DCP1A: variants seen among roughly 807,000 people sequenced by gnomAD.
The protein encoded by DCP1A is decapping mRNA 1A, also known as mRNA-decapping enzyme 1A.
In DCP1A, 20 loss-of-function variants were observed where a neutral mutation model predicts 58.0. The observed-to-expected ratio is 0.34, with a 90% confidence interval of 0.24 to 0.50. The LOEUF is 0.50. DCP1A is among the 20% of genes least tolerant of loss of function. The probability of loss-of-function intolerance (pLI) is 0.98; values close to 1 mark genes in which losing one functional copy is unlikely to be tolerated. For synonymous variants in DCP1A, 285 were observed against 275.1 expected (o/e 1.04, Z -0.36); for missense variants, 613 against 712.2 (o/e 0.86, Z 1.59).
chr3:53,328,283 C>T (rs6445576), intron 3 of DCP1A, among the ~76,000 whole-genome samples: 111,187 of 152,126 alleles, frequency 0.73, 41,022 homozygotes, highest in Middle Eastern at 0.77. Context: ...CTTAGACTAG[C>T]GGTTACTCTG....
rs75945008 is a variant in DCP1A, at chr3:53,340,893, G to C, written c.304+1251C>G. Among the ~76,000 whole-genome samples, 346 of 152,252 alleles carry C rather than the reference G, an allele frequency of 2.3e-3. 2 individuals are homozygous for C. Among genetic ancestry groups the C allele is most frequent in the African/African-American group, 7.3e-3 (304 of 41,556 alleles). Reference sequence around the variant, plus strand: ...AAGAACCCTGGACTAAAAAGCAGAAGAATAGTCATAATCCTAACTCTCCAA... The same window carrying C: ...AAGAACCCTGGACTAAAAAGCAGAACAATAGTCATAATCCTAACTCTCCAA... On this transcript the variant is annotated intron_variant, in intron 3 of 9. Coordinates refer to ENST00000610213, the MANE Select transcript of DCP1A (RefSeq NM_018403.7).
At chr3:53,322,932 C>T (rs1708011260) in intron 3 of DCP1A, among the ~76,000 whole-genome samples, 3 of 152,040 alleles carry the variant, frequency 2.0e-5, no homozygotes, top group South Asian at 4.1e-4. Context: ...CTCAGCCGCC[C>T]GAGTAGCTGG....
intron 3 of DCP1A, among the ~76,000 whole-genome samples, chr3:53,337,450 G>T (rs1052903285): frequency 5.3e-5 from 8 of 152,152 alleles, no homozygotes; most frequent in Non-Finnish European, 1.0e-4. Context: ...ATGATATTTT[G>T]TATTTGTAAA....
At chr3:53,287,879 C>G (rs1049185336) in intron 9 of DCP1A, among the ~76,000 whole-genome samples, 186 bp downstream of exon 9, 5 of 151,744 alleles carry the variant, frequency 3.3e-5, no homozygotes, top group Admixed American at 3.3e-4. Context: ...CCCAGCTAGT[C>G]TGTTTTTGTT....
chr3:53,324,389 A>G (rs782411548), intron 3 of DCP1A, among the ~76,000 whole-genome samples: 4 of 152,250 alleles, frequency 2.6e-5, no homozygotes, highest in Non-Finnish European at 5.9e-5. Flanking sequence ...GTCACTCATG[A>G]GGAAAGACAG....
At chr3:53,314,676 T>C (rs1290930916) in intron 4 of DCP1A, among the ~76,000 whole-genome samples, 2 of 142,770 alleles carry the variant, frequency 1.4e-5, no homozygotes, top group Non-Finnish European at 3.1e-5. Context: ...TCTTTTTTTT[T>C]TTTTTTTTTT....
intron 3 of DCP1A, among the ~76,000 whole-genome samples, chr3:53,336,539 T>C (rs1300581393): frequency 6.6e-6 from 1 of 152,232 alleles, no homozygotes; most frequent in African/African-American, 2.4e-5. Context: ...TGCTGTTTGT[T>C]ATATGCTACC....
At chr3:53,303,571 T>C (rs184766902) in intron 6 of DCP1A, among the ~76,000 whole-genome samples, 22 of 152,212 alleles carry the variant, frequency 1.4e-4, no homozygotes, top group Admixed American at 3.9e-4. Flanking sequence ...TAGCCAAGGG[T>C]TATTTTAAAT....
At chr3:53,343,741 A>C (rs782559718) in intron 2 of DCP1A, among the ~76,000 whole-genome samples, 1 of 152,162 alleles carries the variant, frequency 6.6e-6, no homozygotes, top group Non-Finnish European at 1.5e-5. Flanking sequence ...CCTCTCAAGT[A>C]GCTGGGACTA....
In DCP1A at chr3:53,342,383, CAAT is replaced by C. The variant is rs2089221417; in HGVS notation, c.177-115_177-113del. 8.6e-6 allele frequency: 7 copies of C among 814,970 alleles called. No individual in the cohort carries two copies. In the South Asian group the frequency reaches 1.3e-4, roughly 15 times the overall value. 50.5% of individuals were successfully genotyped at this position (814,970 alleles called of 1,614,324 possible). ...AAAAAGAATGCATTAGAACATTATA[CAAT>C]ATTATCAGCACTTACATCTGTAAAC... On this transcript the variant is annotated intron_variant, in intron 2 of 9. Transcript: ENST00000610213.
In DCP1A at chr3:53,287,292, T is replaced by C. The variant is rs1386388718; in HGVS notation, c.*288A>G. ...AATCTGACTCCTTATTCCACAGCCTTGCTCCTAGCTGATGAAAACACCCAC... is the reference window on the plus strand; with the variant it reads ...AATCTGACTCCTTATTCCACAGCCTCGCTCCTAGCTGATGAAAACACCCAC... On this transcript the variant is annotated 3_prime_UTR_variant, in exon 10 of 10. Transcript: ENST00000610213. The C allele has an allele frequency of 3.4e-6, 1 of 298,472 alleles. No individual in the cohort carries two copies. The highest frequency in any genetic ancestry group is 6.2e-6 in the Non-Finnish European group (1 of 161,840). 18.5% of individuals were successfully genotyped at this position (298,472 alleles called of 1,614,324 possible).
intron 5 of DCP1A, among the ~76,000 whole-genome samples, chr3:53,307,342 T>C (rs1707506307): frequency 6.6e-6 from 1 of 152,066 alleles, no homozygotes; most frequent in Non-Finnish European, 1.5e-5. Flanking sequence ...AAGCCCCAGA[T>C]TTGTAATTTT....
Position 53,304,193 on chromosome 3 carries a change from G to A in DCP1A, c.608C>T (p.Ser203Phe), listed in dbSNP as rs376112114. The A allele has an allele frequency of 1.2e-6, 2 of 1,613,036 alleles. No homozygotes were observed. The highest frequency in any genetic ancestry group is 2.2e-5 in the East Asian group (1 of 44,886). ...TGTACAAACCTTATCCTGTGACCCGGAGGGCATTTCTTCTAGAGTCTCGGT... is the reference window on the plus strand; with the variant it reads ...TGTACAAACCTTATCCTGTGACCCGAAGGGCATTTCTTCTAGAGTCTCGGT... ...GSTETLEEMP[S>F]GSQDKSAPSG... The change falls in exon 6 of 10, where the codon TCC becomes TTC. Residue 203 changes from serine to phenylalanine, a missense_variant. Ser to Phe is a radical substitution (Grantham distance 155, BLOSUM62 -2). This residue lies in a region of DCP1A where 498 missense variants were observed against 556.7 expected (regional missense o/e 0.89). Coordinates refer to ENST00000610213, the MANE Select transcript of DCP1A (RefSeq NM_018403.7).
At chr3:53,289,923 TTTTA>T (rs1348124359) in intron 8 of DCP1A, among the ~76,000 whole-genome samples, 42 of 152,188 alleles carry the variant, frequency 2.8e-4, no homozygotes, top group African/African-American at 9.7e-4. Flanking sequence ...GCTATTTACC[TTTTA>T]TTTATTTATT....
chr3:53,306,968 G>GCT lies in DCP1A; in HGVS notation c.511-2680_511-2679dup, dbSNP rs1487260974. Reference sequence around the variant, plus strand: ...TTTTTTTTTTTGTGGACTGAGTCCTGCTCTGTCACCCAGGCTGGAGTGCAG... The same window carrying GCT: ...TTTTTTTTTTTGTGGACTGAGTCCTGCTCTCTGTCACCCAGGCTGGAGTGCAG... On this transcript the variant is annotated intron_variant, in intron 5 of 9. Transcript: ENST00000610213. Among the ~76,000 whole-genome samples, 13 of 118,534 alleles carry GCT rather than the reference G, an allele frequency of 1.1e-4. No individual in the cohort carries two copies. The East Asian group carries it at 3.2e-3, about 29-fold the overall frequency. 77.8% of individuals were successfully genotyped at this position (118,534 alleles called of 152,430 possible). A position where few individuals can be genotyped will look rare whatever the true frequency, so the allele number is the denominator to read the frequency against.
rs913320312 is a variant in DCP1A at position 53,285,587 on chromosome 3, T to C, written c.*1993A>G. ...TGCTCTTTACTGTCTATCATATCCA[T>C]TCCTAGCATTAAAGGTGAAAATTAG... On this transcript the variant is annotated 3_prime_UTR_variant, in exon 10 of 10. Transcript: ENST00000610213. The C allele has an allele frequency of 1.3e-5, 2 of 152,226 alleles. No homozygotes were observed. Among genetic ancestry groups the C allele is most frequent in the Non-Finnish European group, 2.9e-5 (2 of 68,036 alleles). The allele number at this position is 152,226 out of a possible 1,614,324, so 9.4% of individuals were successfully genotyped here. A position where few individuals can be genotyped will look rare whatever the true frequency, so the allele number is the denominator to read the frequency against.
chr3:53,301,420 C>T (rs1553687401), intron 6 of DCP1A, among the ~76,000 whole-genome samples: 2 of 151,942 alleles, frequency 1.3e-5, no homozygotes, highest in Non-Finnish European at 2.9e-5. Flanking sequence ...TCAGGTACCA[C>T]CACCACCATG....
At position 53,285,388 on chromosome 3, in the gene DCP1A, G is replaced by A. The variant is rs1157896823; in HGVS notation, c.*2192C>T. On this transcript the variant is annotated 3_prime_UTR_variant, in exon 10 of 10. Transcript: ENST00000610213. ...TCCAGGCTTGGCCTGGCTTCTCTAG[G>A]GATTCATTCTGGCCTGAACTTCCTG... 2 of 152,100 alleles carry A rather than the reference G, an allele frequency of 1.3e-5. No individual in the cohort carries two copies. The highest frequency in any genetic ancestry group is 2.9e-5 in the Non-Finnish European group (2 of 68,016). 9.4% of individuals were successfully genotyped at this position (152,100 alleles called of 1,614,324 possible).
intron 5 of DCP1A, among the ~76,000 whole-genome samples, chr3:53,308,372 G>GT (rs1281490091): frequency 6.6e-6 from 1 of 152,058 alleles, no homozygotes; most frequent in Non-Finnish European, 1.5e-5. Context: ...ATAGCTCACT[G>GT]TAACTTGGAG....
Sources: allele counts gnomAD v4.1 joint callset (sites outside exome capture counted in the v4.1 genomes callset), GRCh38; gene constraint gnomAD v4.1.1; regional missense constraint gnomAD v4.1.1; transcripts MANE v1.5; gene names NCBI Gene and HGNC (gene_info 2026-07-23, HGNC 2026-07-21).